The following NCOR2 variants were observed in gnomAD, a reference collection of about 807,000 sequenced individuals.
NCOR2 encodes the protein nuclear receptor corepressor 2.
A neutral mutation model predicts 262.9 loss-of-function variants in NCOR2; 81 were observed. The observed-to-expected ratio is 0.31, with a 90% CI of 0.26 to 0.37. The LOEUF is 0.37. NCOR2 is among the 10% of genes least tolerant of loss of function. The pLI is 1.00. For synonymous variants in NCOR2, 1,659 were observed against 1,559.3 expected, an observed-to-expected ratio of 1.06 and a Z score of -1.51; for missense variants, 3,385 against 3,621.4, an observed-to-expected ratio of 0.93 and a Z score of 1.68.
At chr12:124,451,352 G>A (rs961871037) in intron 6 of NCOR2, among the ~76,000 whole-genome samples, 2 of 152,206 alleles carry the variant, frequency 1.3e-5, no homozygotes, top group East Asian at 3.8e-4. Context: ...ATGTGGGGCT[G>A]CTTTGTTCCC....
At chr12:124,459,250 C>T (rs961114857) in intron 5 of NCOR2, among the ~76,000 whole-genome samples, 8 of 152,158 alleles carry the variant, frequency 5.3e-5, no homozygotes, top group Non-Finnish European at 1.0e-4. Context: ...GGCCAAGCCA[C>T]TAGAAACTAC....
intron 7 of NCOR2, among the ~76,000 whole-genome samples, chr12:124,439,322 C>A (rs1593546521): frequency 4.1e-5 from 1 of 24,168 alleles, no homozygotes; most frequent in Non-Finnish European, 8.1e-5. Flanking sequence ...GACCCAGAGA[C>A]AGAGGGAGAG....
Position 124,473,140 on chromosome 12 carries a change from G to A in NCOR2, c.412-9C>T. The stretch of plus-strand genomic sequence containing the variant: ...CCCGTCAGGCTACGGTCCTGTGGCA[G>A]AAAAAAAACGGGCATGGGGTCAGCA... On this transcript the variant is annotated splice_polypyrimidine_tract_variant and intron_variant, in intron 3 of 46. Coordinates refer to ENST00000405201, the Ensembl canonical transcript of NCOR2. 3 of 1,612,252 alleles carry A rather than the reference G, an allele frequency of 1.9e-6. No individual in the cohort carries two copies. Among genetic ancestry groups the A allele is most frequent in the Non-Finnish European group, 2.5e-6 (3 of 1,179,572 alleles).
intron 7 of NCOR2, among the ~76,000 whole-genome samples, chr12:124,438,268 C>T (rs571504895): frequency 2.7e-4 from 41 of 152,290 alleles, no homozygotes; most frequent in African/African-American, 7.9e-4. Context: ...TGTGGCTTCC[C>T]GCCCCCGCCC....
rs117633461 is a variant in NCOR2, at chr12:124,462,563, G to C, written c.705+3610C>G. ...CTCGCGGGGCTGAAACGGACAATCT[G>C]AAAGAACCCCTGGACCCTGGGGGCA... On this transcript the variant is annotated intron_variant, in intron 5 of 46. Coordinates refer to ENST00000405201, the Ensembl canonical transcript of NCOR2. Among the ~76,000 whole-genome samples, 242 of 152,366 alleles carry C rather than the reference G, an allele frequency of 1.6e-3. 1 individual carries two copies. The highest frequency in any genetic ancestry group is 3.4e-3 in the Middle Eastern group (1 of 294).
intron 11 of NCOR2, among the ~76,000 whole-genome samples, chr12:124,424,410 G>A (rs1380409680): frequency 6.6e-6 from 1 of 152,068 alleles, no homozygotes; most frequent in Non-Finnish European, 1.5e-5. Flanking sequence ...GAGGCTGCAG[G>A]CACGAGCCAT....
intron 22 of NCOR2, among the ~76,000 whole-genome samples, chr12:124,358,055 T>C (rs556943361): frequency 1.3e-5 from 2 of 149,686 alleles, no homozygotes; most frequent in Non-Finnish European, 3.0e-5. Flanking sequence ...TGTGTGTGCC[T>C]GTACACAATG....
intron 13 of NCOR2, among the ~76,000 whole-genome samples, chr12:124,416,325 G>C (rs1565922714): frequency 6.6e-6 from 1 of 152,174 alleles, no homozygotes; most frequent in Non-Finnish European, 1.5e-5. Context: ...GGAGGTACCG[G>C]GACCCCCACG....
At chr12:124,540,287 G>A (rs529461564), upstream of NCOR2, among the ~76,000 whole-genome samples, 3 of 149,782 alleles carry the variant, frequency 2.0e-5, no homozygotes, top group Admixed American at 6.6e-5. Context: ...ACAGAGGGCC[G>A]AGGAACAGGT....
Position 124,517,385 on chromosome 12 carries a change from T to A in NCOR2, c.-118+18180A>T, listed in dbSNP as rs773078499. Among the ~76,000 whole-genome samples the A allele has an allele frequency of 3.3e-5, 5 of 152,198 alleles. No homozygotes were observed. The highest frequency in any genetic ancestry group is 7.3e-5 in the Non-Finnish European group (5 of 68,036). On this transcript the variant is annotated intron_variant, in intron 1 of 46. Coordinates refer to the NCOR2 transcript ENST00000404621. This position sits in a 1 kb window ranked among gnomAD's most constrained non-coding sequence, Gnocchi z 7.6. ...CCGGTTTGCAACTAAAGGCTCCTTG[T>A]GAGCTCGGGAAGCCCTTCCAACTTT...
At chr12:124,512,565 G>C (rs905626879) in intron 1 of NCOR2, among the ~76,000 whole-genome samples, 16 of 152,162 alleles carry the variant, frequency 1.1e-4, no homozygotes, top group Non-Finnish European at 1.5e-5. Flanking sequence ...CTAGGACATG[G>C]ACCTAACTCT....
intron 16 of NCOR2, among the ~76,000 whole-genome samples, chr12:124,386,914 C>T (rs901240559): frequency 2.9e-4 from 44 of 152,366 alleles, no homozygotes; most frequent in Non-Finnish European, 1.9e-4. Flanking sequence ...AGGGCCTGCC[C>T]ACTTTCCCAG....
At chr12:124,497,237 T>A (rs2048425786), upstream of NCOR2, among the ~76,000 whole-genome samples, 2 of 152,160 alleles carry the variant, frequency 1.3e-5, no homozygotes, top group African/African-American at 4.8e-5. The surrounding 1 kb of genome is among the most constrained non-coding windows in gnomAD (Gnocchi z 4.2). Flanking sequence ...AGCCAAGGAA[T>A]TCCGGAGCCA....
chr12:124,408,371 A>T (rs1053833197), intron 13 of NCOR2, among the ~76,000 whole-genome samples: 6 of 151,774 alleles, frequency 4.0e-5, no homozygotes, highest in African/African-American at 7.2e-5. Context: ...AATAAATAAA[A>T]AAAGATATAC....
intron 16 of NCOR2, among the ~76,000 whole-genome samples, chr12:124,387,601 GC>G (rs927746862): frequency 6.6e-6 from 1 of 152,180 alleles, no homozygotes; most frequent in African/African-American, 2.4e-5. Context: ...GCCTGCCGTG[GC>G]CCTGGGAGCC....
At chr12:124,552,676 T>C (rs2051750387) in intron 1 of NCOR2, among the ~76,000 whole-genome samples, 1 of 152,166 alleles carries the variant, frequency 6.6e-6, no homozygotes, top group Non-Finnish European at 1.5e-5. Flanking sequence ...ACAAGTTTTT[T>C]CGGGGGGGTT....
chr12:124,537,897 G>A (rs1379702826), upstream of NCOR2: 2 of 152,196 alleles, frequency 1.3e-5, no homozygotes, highest in African/African-American at 4.8e-5. Flanking sequence ...CTTGGCACTT[G>A]GTCCTGCCAT....
At chr12:124,448,156 T>G (rs2045299819) in intron 7 of NCOR2, among the ~76,000 whole-genome samples, 1 of 152,184 alleles carries the variant, frequency 6.6e-6, no homozygotes, top group Non-Finnish European at 1.5e-5. Flanking sequence ...GATGAATGAA[T>G]GAGGGAATGC....
At chr12:124,345,219 T>C (rs1593145205) in intron 31 of NCOR2, among the ~76,000 whole-genome samples, 1 of 152,118 alleles carries the variant, frequency 6.6e-6, no homozygotes, top group East Asian at 1.9e-4. Flanking sequence ...CAACTCTCCC[T>C]GCCGCGAGTG....
Sources: gnomAD v4.1 joint callset for allele counts (sites outside exome capture counted in the v4.1 genomes callset) on GRCh38, gnomAD v4.1.1 for gene constraint, Gnocchi (gnomAD v3.1) non-coding constraint, MANE v1.5 for transcripts, NCBI Gene and HGNC (gene_info 2026-07-23, HGNC 2026-07-21) for gene names.